The following SLC41A3 variants were observed in gnomAD, a reference collection of about 807,000 sequenced individuals.
SLC41A3 encodes solute carrier family 41 member 3.
SLC41A3 carries 44 observed loss-of-function variants against 45.4 expected under a neutral mutation model. The ratio of observed to expected loss-of-function variants is 0.97; its 90% CI spans 0.76 to 1.25. SLC41A3 has a LOEUF of 1.25. Ranked by LOEUF, SLC41A3 falls within the 50% of genes most tolerant of loss-of-function variation. The pLI is 0.00. For synonymous variants in SLC41A3, 256 were observed against 252.4 expected (o/e 1.01, Z -0.13); for missense variants, 550 against 600.6 (o/e 0.92, Z 0.88).
chr3:126,065,472 C>T (rs750664418), intron 2 of SLC41A3, among the ~76,000 whole-genome samples: 7 of 152,182 alleles, frequency 4.6e-5, no homozygotes, highest in Admixed American at 1.3e-4. Context: ...GCCAACAAAC[C>T]GATGCAGACC....
At chr3:126,062,904 T>G (rs560734437) in intron 2 of SLC41A3, among the ~76,000 whole-genome samples, 3 of 152,186 alleles carry the variant, frequency 2.0e-5, no homozygotes, top group Non-Finnish European at 4.4e-5. Flanking sequence ...CTCTTATTAG[T>G]GCCCCCAGAA....
intron 7 of SLC41A3, 123 bp downstream of exon 7, chr3:126,016,608 G>A (rs1479975008): frequency 4.7e-6 from 6 of 1,289,034 alleles, no homozygotes; most frequent in Non-Finnish European, 5.2e-6. Context: ...GGGAGTTACT[G>A]AAAGAGCCCA....
intron 2 of SLC41A3, 42 bp from the exon 3 acceptor site, chr3:126,051,092 C>A (rs1943304300): frequency 2.0e-6 from 3 of 1,506,328 alleles, no homozygotes; most frequent in East Asian, 4.7e-5. Flanking sequence ...ACACACACAT[C>A]AGCAAATCTC....
chr3:126,053,731 A>G (rs973626614), intron 2 of SLC41A3, among the ~76,000 whole-genome samples: 1 of 152,024 alleles, frequency 6.6e-6, no homozygotes, highest in East Asian at 1.9e-4. Context: ...CCCAGTGTCT[A>G]TGACTCAGAA....
At chr3:126,078,771 G>T (rs1184508633) in intron 1 of SLC41A3, among the ~76,000 whole-genome samples, 1 of 152,068 alleles carries the variant, frequency 6.6e-6, no homozygotes, top group Admixed American at 6.5e-5. Flanking sequence ...CTCTCAAGGG[G>T]TCGCACCTAC....
intron 2 of SLC41A3, among the ~76,000 whole-genome samples, chr3:126,051,384 C>A (rs182981644): frequency 3.2e-4 from 49 of 152,252 alleles, no homozygotes; most frequent in Non-Finnish European, 5.6e-4. Context: ...GGGAATTTCT[C>A]ATGAATGGGG....
rs576825939 is a variant in SLC41A3, at chr3:126,047,208, C to A, written c.381+3735G>T. ...TGAAACCCTGTCTCTACAAAAAATA[C>A]AAAAATTAGCTAGGTGCAGTGGTTC... On this transcript the variant is annotated intron_variant, in intron 3 of 10. Transcript: ENST00000360370. Among the ~76,000 whole-genome samples the A allele has an allele frequency of 2.0e-5, 3 of 152,064 alleles. No homozygotes were observed. The South Asian group carries it at 6.2e-4, about 32-fold the overall frequency.
chr3:126,097,890 G>A (rs903143565), intron 1 of SLC41A3, among the ~76,000 whole-genome samples: 4 of 152,182 alleles, frequency 2.6e-5, no homozygotes, highest in African/African-American at 7.2e-5. Flanking sequence ...GTAAGTGGGA[G>A]GCAGTGTGTA....
intron 4 of SLC41A3, among the ~76,000 whole-genome samples, chr3:126,028,743 G>C (rs1444830831): frequency 6.6e-6 from 1 of 152,266 alleles, no homozygotes; most frequent in East Asian, 1.9e-4. Context: ...CAGCCCATGA[G>C]AGCAGCAGAC....
In SLC41A3 at chr3:126,006,982, AT is replaced by A; in HGVS notation, c.*33del. Reference sequence around the variant, plus strand: ...CTGTATCCCACTGATGTGAGAGGAAATTCTAATGAGCAAATGGGACCAGCGG... The same window carrying A: ...CTGTATCCCACTGATGTGAGAGGAAATCTAATGAGCAAATGGGACCAGCGG... On this transcript the variant is annotated 3_prime_UTR_variant, in exon 11 of 11. Coordinates refer to ENST00000360370, the MANE Select transcript of SLC41A3 (RefSeq NM_017836.4). 1.2e-6 allele frequency: 2 copies of A among 1,613,642 alleles called. No homozygotes were observed. Among genetic ancestry groups the A allele is most frequent in the Non-Finnish European group, 1.7e-6 (2 of 1,179,624 alleles).
At chr3:126,065,163 TC>T (rs1324437683) in intron 2 of SLC41A3, among the ~76,000 whole-genome samples, 1 of 152,040 alleles carries the variant, frequency 6.6e-6, no homozygotes, top group African/African-American at 2.4e-5. Flanking sequence ...AAGTGGATGT[TC>T]CCCCAGAGCC....
chr3:126,012,890 C>T, intron 8 of SLC41A3, 141 bp from the exon 9 acceptor site: 1 of 1,314,868 alleles, frequency 7.6e-7, no homozygotes, highest in Non-Finnish European at 1.0e-6. Context: ...TCCCACTTGA[C>T]CACAGATCTT....
At chr3:126,071,216 G>T (rs1944601367) in intron 1 of SLC41A3, among the ~76,000 whole-genome samples, 1 of 152,208 alleles carries the variant, frequency 6.6e-6, no homozygotes, top group East Asian at 1.9e-4. Context: ...AATATACCAT[G>T]CAAACAATAA....
chr3:126,090,555 G>A (rs184626100), intron 1 of SLC41A3, among the ~76,000 whole-genome samples: 22 of 152,214 alleles, frequency 1.4e-4, no homozygotes, highest in Middle Eastern at 3.4e-3. Context: ...TTTAATTGGT[G>A]CCCTAATTGA....
upstream of SLC41A3, among the ~76,000 whole-genome samples, chr3:126,085,818 T>G (rs1945371540): frequency 1.2e-5 from 1 of 82,712 alleles, no homozygotes; most frequent in Non-Finnish European, 2.5e-5. Context: ...CTTGTGGGAG[T>G]GTCTGGGGGG....
At chr3:126,070,344 G>C (rs912255193) in intron 1 of SLC41A3, 1 of 152,232 alleles carries the variant, frequency 6.6e-6, no homozygotes. Context: ...CCTCATAGGA[G>C]CTCAAACCGT....
intron 2 of SLC41A3, among the ~76,000 whole-genome samples, chr3:126,063,703 C>T (rs1393762514): frequency 2.6e-5 from 4 of 152,218 alleles, no homozygotes; most frequent in African/African-American, 9.6e-5. Flanking sequence ...GCCAGTCACT[C>T]CTGATCCTCT....
At chr3:126,092,165 A>C (rs1046556681) in intron 1 of SLC41A3, among the ~76,000 whole-genome samples, 1 of 152,250 alleles carries the variant, frequency 6.6e-6, no homozygotes, top group Non-Finnish European at 1.5e-5. Flanking sequence ...AAATCTCTGC[A>C]GCACTGTGAC....
chr3:126,041,269 A>G (rs1406649863), intron 3 of SLC41A3, among the ~76,000 whole-genome samples: 2 of 148,066 alleles, frequency 1.4e-5, no homozygotes, highest in African/African-American at 5.0e-5. Flanking sequence ...GGAGTTATGG[A>G]GGGGGGGTGG....
Sources: allele counts gnomAD v4.1 joint callset (sites outside exome capture counted in the v4.1 genomes callset), GRCh38; gene constraint gnomAD v4.1.1; transcripts MANE v1.5; gene names NCBI Gene and HGNC (gene_info 2026-07-23, HGNC 2026-07-21).